Variants in PCDHA9 observed in about 807,000 individuals in gnomAD.
The protein encoded by PCDHA9 is protocadherin alpha-9.
Under a neutral mutation model 62.0 loss-of-function variants are expected in PCDHA9, and 62 were observed. The observed-to-expected ratio is 1.00, with a 90% CI of 0.81 to 1.23. The LOEUF is 1.23. Ranked by LOEUF, PCDHA9 falls within the 50% of genes most tolerant of loss-of-function variation. PCDHA9 has a pLI of 0.00. For missense variants in PCDHA9, 1,205 were observed against 1,249.8 expected (o/e 0.96, Z 0.54); for synonymous variants, 557 against 567.6 (o/e 0.98, Z 0.27).
At chr5:140,876,310 G>C (rs1167952130) in intron 1 of PCDHA9, 2 of 1,613,982 alleles carry the variant, frequency 1.2e-6, no homozygotes, top group Non-Finnish European at 1.7e-6. Context: ...AATTTCCTAT[G>C]GGATCAAAAT....
At chr5:140,877,730 A>C in intron 1 of PCDHA9, 1 of 1,614,146 alleles carries the variant, frequency 6.2e-7, no homozygotes, top group Non-Finnish European at 8.5e-7. Context: ...TACTCGCAGC[A>C]GAGGAGGCAG....
At chr5:140,934,684 A>G (rs1026507859) in intron 1 of PCDHA9, among the ~76,000 whole-genome samples, 1 of 152,178 alleles carries the variant, frequency 6.6e-6, no homozygotes, top group African/African-American at 2.4e-5. Context: ...TATTCAAAAC[A>G]ATGAATTGAT....
intron 1 of PCDHA9, among the ~76,000 whole-genome samples, chr5:140,932,345 C>G (rs1332373274): frequency 6.6e-6 from 1 of 151,820 alleles, no homozygotes; most frequent in African/African-American, 2.4e-5. Context: ...AAACACTTAC[C>G]ATACAACTGG....
At chr5:140,994,939 C>T (rs1210134523) in intron 3 of PCDHA9, among the ~76,000 whole-genome samples, 5 of 152,160 alleles carry the variant, frequency 3.3e-5, no homozygotes, top group Non-Finnish European at 7.3e-5. Context: ...CTTAAACATC[C>T]TGCTAAATAA....
chr5:140,969,167 T>G (rs1554231527), intron 1 of PCDHA9: 1 of 1,613,668 alleles, frequency 6.2e-7, no homozygotes. Flanking sequence ...GACAGCAGGC[T>G]CAGGGAGTGA....
chr5:140,941,243 CTT>C (rs782176516), intron 1 of PCDHA9, among the ~76,000 whole-genome samples: 1 of 131,826 alleles, frequency 7.6e-6, no homozygotes, highest in Non-Finnish European at 1.6e-5. Flanking sequence ...TTCTTTCTTT[CTT>C]TCTTTCTTTC....
intron 1 of PCDHA9, among the ~76,000 whole-genome samples, chr5:140,947,805 G>T (rs1474604810): frequency 6.6e-6 from 1 of 151,504 alleles, no homozygotes; most frequent in Non-Finnish European, 1.5e-5. Flanking sequence ...TTAATTTGCA[G>T]AGACTATTTC....
At chr5:140,979,817 A>G (rs1228260788) in intron 2 of PCDHA9, among the ~76,000 whole-genome samples, 1 of 152,262 alleles carries the variant, frequency 6.6e-6, no homozygotes, top group Non-Finnish European at 1.5e-5. Flanking sequence ...AAAAGGATTT[A>G]ATTTTAAAGA....
rs782803893 is a variant in PCDHA9, at chr5:140,927,898, C to G, written c.2395-51051C>G. 3.1e-6 allele frequency: 5 copies of G among 1,614,230 alleles called. No individual in the cohort carries two copies. In the South Asian group the frequency reaches 4.4e-5, roughly 14 times the overall value. On this transcript the variant is annotated intron_variant, in intron 1 of 3. Coordinates refer to ENST00000532602, the MANE Select transcript of PCDHA9 (RefSeq NM_031857.2). Reference sequence around the variant, plus strand: ...GGTGGAGGTGACTGACGTGAACGATCATGCCCCCGAACTGGACTTCCTGAC... The same window carrying G: ...GGTGGAGGTGACTGACGTGAACGATGATGCCCCCGAACTGGACTTCCTGAC...
intron 1 of PCDHA9, chr5:140,876,602 G>A (rs572945874): frequency 6.2e-7 from 1 of 1,614,180 alleles, no homozygotes; most frequent in Non-Finnish European, 8.5e-7. Flanking sequence ...GTGTCGGATC[G>A]TGACTCTGGA....
Position 140,884,512 on chromosome 5 carries a change from G to A in PCDHA9, c.2394+33623G>A, listed in dbSNP as rs782026771. 4.3e-5 allele frequency: 70 copies of A among 1,614,202 alleles called. No individual in the cohort carries two copies. The Middle Eastern group carries it at 4.9e-4, about 11-fold the overall frequency. ...TGTGCTCCAGCGCGGCAGGGAGTTG[G>A]TCGTACTCGCAGCAGAGGCGGCCGA... is the stretch of plus-strand genomic sequence containing the variant. On this transcript the variant is annotated intron_variant, in intron 1 of 3. Transcript: ENST00000532602.
chr5:141,006,384 T>C, intron 3 of PCDHA9, among the ~76,000 whole-genome samples: 2 of 152,126 alleles, frequency 1.3e-5, no homozygotes, highest in South Asian at 4.2e-4. Flanking sequence ...GCTAAGTTTT[T>C]TCTATTTTTT....
chr5:140,968,932 A>G, intron 1 of PCDHA9: 3 of 1,614,164 alleles, frequency 1.9e-6, no homozygotes, highest in Non-Finnish European at 2.5e-6. Flanking sequence ...TTCTTTTGAC[A>G]ATCATCATTT....
chr5:140,964,968 G>A lies in PCDHA9; in HGVS notation c.2395-13981G>A, dbSNP rs566051914. On this transcript the variant is annotated intron_variant, in intron 1 of 3. Coordinates refer to ENST00000532602, the MANE Select transcript of PCDHA9 (RefSeq NM_031857.2). ...GAGTGTGCTTGGTTGGTGGAACGAA[G>A]GGATGTGCTAGTTCAGGCCTTTGAA... 3.9e-5 allele frequency among the ~76,000 whole-genome samples: 6 copies of A among 152,326 alleles called. No individual in the cohort carries two copies. In the South Asian group the frequency reaches 1.0e-3, roughly 26 times the overall value.
intron 1 of PCDHA9, among the ~76,000 whole-genome samples, chr5:140,941,848 G>A (rs2093183003): frequency 6.6e-6 from 1 of 152,142 alleles, no homozygotes; most frequent in South Asian, 2.1e-4. Flanking sequence ...GCCATTACCT[G>A]ATATTCCCTA....
chr5:140,928,664 G>A (rs186350151), intron 1 of PCDHA9: 2 of 1,614,214 alleles, frequency 1.2e-6, no homozygotes, highest in Non-Finnish European at 1.7e-6. Context: ...GCTGACAGTG[G>A]TTCTAATGCC....
chr5:140,929,162 G>T (rs2153599635), intron 1 of PCDHA9: 4 of 1,614,060 alleles, frequency 2.5e-6, no homozygotes, highest in Non-Finnish European at 3.4e-6. Context: ...TATCTCTATC[G>T]GGCCTCTCTG....
At chr5:140,869,117 A>G in intron 1 of PCDHA9, 2 of 1,605,428 alleles carry the variant, frequency 1.2e-6, no homozygotes, top group Non-Finnish European at 1.7e-6. Context: ...TTTGGTTTTC[A>G]GAGAAGGGGA....
intron 1 of PCDHA9, chr5:140,870,093 A>G (rs1554163808): frequency 6.8e-6 from 11 of 1,613,930 alleles, no homozygotes; most frequent in Non-Finnish European, 9.3e-6. Context: ...CCCCAATGGC[A>G]GGTCACTGTA....
Sources: gnomAD v4.1 joint callset for allele counts (sites outside exome capture counted in the v4.1 genomes callset) on GRCh38, gnomAD v4.1.1 for gene constraint, MANE v1.5 for transcripts, NCBI Gene and HGNC (gene_info 2026-07-23, HGNC 2026-07-21) for gene names.